The following VPS13B variants were observed in gnomAD, a reference collection of about 807,000 sequenced individuals.
VPS13B encodes intermembrane lipid transfer protein VPS13B.
In VPS13B, 285 loss-of-function variants were observed where a neutral mutation model predicts 426.4. The observed-to-expected ratio is 0.67, with a 90% CI of 0.61 to 0.74. The LOEUF is 0.74. Among genes scored for constraint, VPS13B ranks in the 30% least tolerant of loss-of-function variants. VPS13B has a pLI of 0.00. For missense variants in VPS13B, 4,537 were observed against 4,782.6 expected (o/e 0.95, Z 1.51); for synonymous variants, 1,676 against 1,676.4 (o/e 1.00, Z 0.01).
intron 34 of VPS13B, among the ~76,000 whole-genome samples, chr8:99,658,049 G>A (rs1292015103): frequency 6.6e-6 from 1 of 152,148 alleles, no homozygotes; most frequent in Non-Finnish European, 1.5e-5. Flanking sequence ...ATGAAGCTGA[G>A]CAGAGTTTTC....
chr8:99,080,685 A>G (rs943572175), intron 3 of VPS13B, among the ~76,000 whole-genome samples: 3 of 152,236 alleles, frequency 2.0e-5, no homozygotes, highest in Admixed American at 6.5e-5. Flanking sequence ...ATATTATTCA[A>G]GTATCTCTGA....
intron 51 of VPS13B, 102 bp from the exon 52 acceptor site, chr8:99,832,267 A>AG (rs957027474): frequency 2.8e-6 from 4 of 1,419,684 alleles, no homozygotes; most frequent in African/African-American, 2.9e-5. Flanking sequence ...CTCAAAAAAA[A>AG]AAAAGAAAAG....
chr8:99,579,666 G>C (rs1207969879), intron 33 of VPS13B, among the ~76,000 whole-genome samples: 1 of 151,678 alleles, frequency 6.6e-6, no homozygotes, highest in Admixed American at 6.6e-5. Flanking sequence ...CCAAAGTGCT[G>C]GGATTACAGG....
At chr8:99,376,193 T>G (rs1256301680) in intron 19 of VPS13B, among the ~76,000 whole-genome samples, 1 of 152,204 alleles carries the variant, frequency 6.6e-6, no homozygotes, top group African/African-American at 2.4e-5. Flanking sequence ...AATAAAATAC[T>G]GCCAAATTTT....
In VPS13B at chr8:99,391,575, C is replaced by T; in HGVS notation, c.2953C>T (p.Pro985Ser). 6.2e-7 allele frequency: 1 copy of T among 1,614,136 alleles called. No homozygotes were observed. Among genetic ancestry groups the T allele is most frequent in the Admixed American group, 1.7e-5 (1 of 60,010 alleles). The change falls in exon 21 of 62, where the codon CCT becomes TCT. Residue 985 changes from proline (P) to serine (S), a missense_variant. Transcript: ENST00000357162. The part of the protein sequence containing the change: ...HMQQQPVVAV[P>S]LVMPVCRRKE... ...TTTCCAGCAGCCTGTGGTAGCTGTT[C>T]CTCTTGTTATGCCAGTTTGTAGAAG...
At chr8:99,393,959 G>A (rs1814594619) in intron 21 of VPS13B, among the ~76,000 whole-genome samples, 1 of 151,964 alleles carries the variant, frequency 6.6e-6, no homozygotes, top group African/African-American at 2.4e-5. Context: ...ATCAATCACT[G>A]TTTTAATTAT....
intron 35 of VPS13B, among the ~76,000 whole-genome samples, chr8:99,668,828 A>C (rs1830587896): frequency 6.6e-6 from 1 of 152,150 alleles, no homozygotes. Flanking sequence ...GTTTCTTTCA[A>C]GCTGTTTTTA....
At chr8:99,015,758 C>T (rs1841580960) in intron 2 of VPS13B, among the ~76,000 whole-genome samples, 1 of 151,852 alleles carries the variant, frequency 6.6e-6, no homozygotes, top group Non-Finnish European at 1.5e-5. Flanking sequence ...AAAAAATTAG[C>T]TGGGCTTGGT....
chr8:99,338,848 G>A (rs1811075468), intron 19 of VPS13B, among the ~76,000 whole-genome samples: 1 of 152,080 alleles, frequency 6.6e-6, no homozygotes, highest in South Asian at 2.1e-4. Flanking sequence ...TTACATACAG[G>A]AAGACATGTA....
chr8:99,408,570 G>T (rs1815455461), intron 21 of VPS13B, among the ~76,000 whole-genome samples: 1 of 152,116 alleles, frequency 6.6e-6, no homozygotes, highest in Non-Finnish European at 1.5e-5. Context: ...CAAGAGTTTT[G>T]CTTTGGCTAT....
At chr8:99,801,862 A>G (rs1813140773) in intron 43 of VPS13B, among the ~76,000 whole-genome samples, 1 of 152,186 alleles carries the variant, frequency 6.6e-6, no homozygotes, top group African/African-American at 2.4e-5. Context: ...AATACTTGCC[A>G]AATTGAGCCA....
chr8:99,067,109 G>T (rs1844564482), intron 3 of VPS13B, among the ~76,000 whole-genome samples: 1 of 152,196 alleles, frequency 6.6e-6, no homozygotes, highest in African/African-American at 2.4e-5. Flanking sequence ...TCTAGAACTG[G>T]AAATACCATT....
At chr8:99,084,940 G>T (rs1213271509) in intron 3 of VPS13B, among the ~76,000 whole-genome samples, 2 of 152,150 alleles carry the variant, frequency 1.3e-5, no homozygotes, top group Non-Finnish European at 2.9e-5. Flanking sequence ...GTTGATTTGG[G>T]GTGGAGAGTT....
intron 19 of VPS13B, among the ~76,000 whole-genome samples, chr8:99,287,942 A>G (rs777613637): frequency 3.0e-4 from 46 of 152,042 alleles, no homozygotes; most frequent in Non-Finnish European, 6.0e-4. Flanking sequence ...GTTATCTTTT[A>G]TAATCCCACT....
intron 21 of VPS13B, among the ~76,000 whole-genome samples, chr8:99,418,494 TCTTTCTTTCTTTCTTTCTTTC>T (rs1244496306): frequency 4.8e-5 from 7 of 146,118 alleles, no homozygotes; most frequent in Non-Finnish European, 1.0e-4. Flanking sequence ...TTTCTTTCTT[TCTTTCTTTCTTTCTTTCTTTC>T]CTTTCTTTCT....
rs1817717393 is a variant in VPS13B, at chr8:99,876,737, T to G, written c.*1071T>G. 6.6e-6 allele frequency: 1 copy of G among 152,236 alleles called. No homozygotes were observed. The highest frequency in any genetic ancestry group is 1.5e-5 in the Non-Finnish European group (1 of 68,044). The allele number at this position is 152,236 out of a possible 1,614,324, so 9.4% of individuals were successfully genotyped here. A position where few individuals can be genotyped will look rare whatever the true frequency, so the allele number is the denominator to read the frequency against. ...CTTAAATGTTCAGTAAATATCTTTCTTACAGTCCAGTAGCTTAGAGCATGT... is the reference window on the plus strand; with the variant it reads ...CTTAAATGTTCAGTAAATATCTTTCGTACAGTCCAGTAGCTTAGAGCATGT... On this transcript the variant is annotated 3_prime_UTR_variant, in exon 62 of 62. Coordinates refer to ENST00000357162, the MANE Select transcript of VPS13B (RefSeq NM_152564.5).
chr8:99,362,019 T>TC (rs1330140642), intron 19 of VPS13B, among the ~76,000 whole-genome samples: 2 of 152,156 alleles, frequency 1.3e-5, no homozygotes, highest in African/African-American at 4.8e-5. Context: ...CACCTTTGAC[T>TC]CCAAAGTCTT....
chr8:99,034,416 T>TC (rs1229025435), intron 2 of VPS13B, among the ~76,000 whole-genome samples: 4 of 150,330 alleles, frequency 2.7e-5, no homozygotes, highest in Admixed American at 1.3e-4. Flanking sequence ...ATAAGTCTGT[T>TC]TTTTTTTTTT....
At chr8:99,554,578 G>T (rs558703745) in intron 30 of VPS13B, among the ~76,000 whole-genome samples, 1 of 152,108 alleles carries the variant, frequency 6.6e-6, no homozygotes, top group Non-Finnish European at 1.5e-5. Context: ...TCAAGAATGT[G>T]TGGTATATTT....
Sources: gnomAD v4.1 joint callset for allele counts (sites outside exome capture counted in the v4.1 genomes callset) on GRCh38, gnomAD v4.1.1 for gene constraint, MANE v1.5 for transcripts, NCBI Gene and HGNC (gene_info 2026-07-23, HGNC 2026-07-21) for gene names.